MYH6: variants seen among roughly 807,000 people sequenced by gnomAD.
The protein encoded by MYH6 is myosin heavy chain 6, also known as myosin-6.
In MYH6, 126 loss-of-function variants were observed where a neutral mutation model predicts 223.2. That is an observed-to-expected ratio of 0.56 (90% CI 0.49 to 0.65). MYH6 has a LOEUF of 0.65. MYH6 is among the 30% of genes least tolerant of loss of function. The pLI, the probability that MYH6 is intolerant of heterozygous loss-of-function variation, is 0.00. For synonymous variants in MYH6, 978 were observed against 1,010.2 expected (o/e 0.97, Z 0.61); for missense variants, 2,040 against 2,536.4 (o/e 0.80, Z 4.20).
intron 3 of MYH6, among the ~76,000 whole-genome samples, chr14:23,406,420 G>A (rs555374349): frequency 6.6e-6 from 1 of 152,294 alleles, no homozygotes; most frequent in African/African-American, 2.4e-5. Context: ...AGCCCCAGGG[G>A]ATTGTGGCCT....
chr14:23,402,765 C>T lies in MYH6; in HGVS notation c.934G>A (p.Ala312Thr), dbSNP rs748143404. 4.0e-5 allele frequency: 65 copies of T among 1,613,032 alleles called. No homozygotes were observed. The highest frequency in any genetic ancestry group is 8.8e-5 in the South Asian group (8 of 91,040). Residue 312 changes from alanine (A) to threonine (T), a missense_variant, in exon 11 of 39, where the codon GCC (alanine) becomes ACC (threonine). Coordinates refer to ENST00000405093, the MANE Select transcript of MYH6 (RefSeq NM_002471.4). ...GACACCTCTCCCTGAGACACGAAGG[C>T]GTAGTCGTAGGGATTGTTGGTGACC... ...LLVTNNPYDY[A>T]FVSQGEVSVA... is the part of the protein sequence containing the mutation.
chr14:23,386,719 C>A, intron 32 of MYH6, 96 bp from the exon 33 acceptor site: 1 of 1,433,716 alleles, frequency 7.0e-7, no homozygotes. Context: ...GACTATCGCC[C>A]AGAGAAGAAG....
intron 26 of MYH6, 89 bp downstream of exon 26, chr14:23,389,968 G>A (rs1891180197): frequency 1.6e-5 from 26 of 1,610,698 alleles, no homozygotes; most frequent in Non-Finnish European, 2.1e-5. Context: ...GAATGAGAAT[G>A]ACAAGGGAGA....
chr14:23,393,911 G>T lies in MYH6; in HGVS notation c.2686-3C>A. ...GCATCATTGAGGTTGTCTTGTTCCT[G>T]GGAGAAGAGAACAGGGAGGAAGCTG... On this transcript the variant is annotated splice_polypyrimidine_tract_variant and splice_region_variant and intron_variant, in intron 21 of 38. Transcript: ENST00000405093. The T allele has an allele frequency of 6.2e-7, 1 of 1,614,144 alleles. No individual in the cohort carries two copies. Among genetic ancestry groups the T allele is most frequent in the African/African-American group, 1.3e-5 (1 of 75,026 alleles).
rs138572790 is a variant in MYH6, at chr14:23,402,598, G to T, written c.1007C>A (p.Ala336Asp). The stretch of plus-strand genomic sequence containing the variant: ...TGAAGTGAAGCCCAGCACGTCAAAG[G>T]CACTCTGGGACAGAGCGAGAGACAA... ...DSEELMATDSAFDVLGFTSEE... is the reference protein window; with the variant it reads ...DSEELMATDSDFDVLGFTSEE... Residue 336 changes from alanine to aspartate, a missense_variant, in exon 12 of 39, where the codon GCC becomes GAC. Around this residue, in one of 4 missense-constraint regions of MYH6, gnomAD observed 649 missense variants for 877.3 expected, o/e 0.74. Coordinates refer to ENST00000405093, the MANE Select transcript of MYH6 (RefSeq NM_002471.4). 6 of 1,613,644 alleles carry T rather than the reference G, an allele frequency of 3.7e-6. No homozygotes were observed. In the East Asian group the frequency reaches 1.3e-4, roughly 36 times the overall value.
At chr14:23,382,337 A>G in intron 38 of MYH6, 91 bp downstream of exon 38, 3 of 1,579,274 alleles carry the variant, frequency 1.9e-6, no homozygotes, top group Non-Finnish European at 2.6e-6. Context: ...CTGCCTACAT[A>G]TAGGGCAAGC....
chr14:23,386,836 G>A (rs536576469), intron 32 of MYH6, among the ~76,000 whole-genome samples: 2 of 152,262 alleles, frequency 1.3e-5, no homozygotes, highest in East Asian at 3.9e-4. Flanking sequence ...AAAAGGGTTT[G>A]GACCTCACAA....
rs567433969 is a variant in MYH6, at chr14:23,392,630, G to A, written c.3274C>T (p.Gln1092Ter). 1 of 1,512,900 alleles carries A rather than the reference G, an allele frequency of 6.6e-7. No individual in the cohort carries two copies. Among genetic ancestry groups the A allele is most frequent in the East Asian group, 2.3e-5 (1 of 43,112 alleles). The allele number at this position is 1,512,900 out of a possible 1,614,324, so 93.7% of individuals were successfully genotyped here. The change falls in exon 25 of 39, where the codon CAG (glutamine) becomes TAG (stop). Residue 1092 changes from glutamine (Q) to a stop codon, truncating the protein, a stop_gained. Transcript: ENST00000405093. LOFTEE classifies it high-confidence loss of function. ...LKKKEFDINQ[Q>*]NSKIEDEQVL... ...TGCTCATCCTCAATCTTACTGTTCT[G>A]CTGATTAATGTCAAACTCCTTCCTG... is the stretch of plus-strand genomic sequence containing the variant.
At chr14:23,401,000 G>A (rs746318163) in intron 12 of MYH6, 23 bp from the exon 13 acceptor site, 3 of 1,612,354 alleles carry the variant, frequency 1.9e-6, no homozygotes, top group South Asian at 1.1e-5. Flanking sequence ...GAAAGGATAA[G>A]TGAGCACTTC....
rs746154984 is a variant in MYH6 at position 23,382,518 on chromosome 14, C to T, written c.5706G>A (p.Gln1902=). 2.0e-5 allele frequency: 33 copies of T among 1,614,052 alleles called. No individual in the cohort carries two copies. The highest frequency in any genetic ancestry group is 4.4e-5 in the South Asian group (4 of 91,086). ...GCTCCTCTGCCTCATCCAGCTCATG[C>T]TGCACCTTGCGGAACTTGGACAGGT... is the stretch of plus-strand genomic sequence containing the variant. ...NTNLSKFRKV[Q]HELDEAEERA... The change falls in exon 38 of 39, where the codon CAG becomes CAA. Residue 1902 remains glutamine (Q), a synonymous_variant. Coordinates refer to ENST00000405093, the MANE Select transcript of MYH6 (RefSeq NM_002471.4).
intron 32 of MYH6, 146 bp downstream of exon 32, chr14:23,387,383 G>T (rs760408546): frequency 3.8e-6 from 5 of 1,304,730 alleles, no homozygotes; most frequent in Non-Finnish European, 5.4e-6. Context: ...AGGCAGTCAT[G>T]GGTAGTGAAT....
At chr14:23,383,478 G>A (rs1474908208) in intron 36 of MYH6, among the ~76,000 whole-genome samples, 158 bp from the exon 37 acceptor site, 2 of 152,122 alleles carry the variant, frequency 1.3e-5, no homozygotes, top group Admixed American at 6.6e-5. Context: ...TGACTCTATC[G>A]TAGGTCAAAG....
Position 23,382,442 on chromosome 14 carries a change from C to T in MYH6, c.5782G>A (p.Asp1928Asn). 1 of 1,614,176 alleles carries T rather than the reference C, an allele frequency of 6.2e-7. No individual in the cohort carries two copies. Among genetic ancestry groups the T allele is most frequent in the Non-Finnish European group, 8.5e-7 (1 of 1,180,028 alleles). Residue 1928 changes from aspartate to asparagine, a missense_variant, in exon 38 of 39, where the codon GAC becomes AAC. By Grantham distance (23) the Asp-to-Asn change is conservative. Transcript: ENST00000405093. ...QVNKLRAKSR[D>N]IGAKQKMHDE... Reference sequence around the variant, plus strand: ...GAGGGACCCACCTTGGCACCAATGTCACGGCTCTTGGCTCGAAGCTTGTTG... The same window carrying T: ...GAGGGACCCACCTTGGCACCAATGTTACGGCTCTTGGCTCGAAGCTTGTTG...
rs901220538 is a variant in MYH6, at chr14:23,397,351, C to T, written c.1963-94G>A. 5 of 1,370,714 alleles carry T rather than the reference C, an allele frequency of 3.6e-6. No individual in the cohort carries two copies. The African/African-American group carries it at 7.2e-5, about 20-fold the overall frequency. The allele number at this position is 1,370,714 out of a possible 1,614,324, so 84.9% of individuals were successfully genotyped here. On this transcript the variant is annotated intron_variant, in intron 16 of 38. Transcript: ENST00000405093. Reference sequence around the variant, plus strand: ...CCCAGACACTCTCCACCAGAATCATCAAAGGGACAGGGGCTGCCACATAAT... The same window carrying T: ...CCCAGACACTCTCCACCAGAATCATTAAAGGGACAGGGGCTGCCACATAAT...
chr14:23,402,630 G>A (rs749451845), intron 11 of MYH6, 28 bp from the exon 12 acceptor site: 1 of 1,613,654 alleles, frequency 6.2e-7, no homozygotes, highest in African/African-American at 1.3e-5. Flanking sequence ...ACAAAGAGGG[G>A]GGTTGGAGCG....
rs1566511867 is a variant in MYH6, at chr14:23,397,226, C to T, written c.1994G>A (p.Arg665Lys). ...ENLNKLMTNLRTTHPHFVRCI... is the reference protein window; with the variant it reads ...ENLNKLMTNLKTTHPHFVRCI... ...ACGCACAAAGTGAGGATGGGTGGTC[C>T]TCAGGTTGGTCATTAGCTTGTTGAG... The change falls in exon 17 of 39, where the codon AGG becomes AAG. Residue 665 changes from arginine to lysine, a missense_variant. Around this residue, in one of 4 missense-constraint regions of MYH6, gnomAD observed 649 missense variants for 877.3 expected, o/e 0.74. Transcript: ENST00000405093. The T allele has an allele frequency of 6.2e-7, 1 of 1,614,190 alleles. No individual in the cohort carries two copies. Among genetic ancestry groups the T allele is most frequent in the Non-Finnish European group, 8.5e-7 (1 of 1,180,036 alleles).
Position 23,390,141 on chromosome 14 carries a change from C to A in MYH6, c.3648G>T (p.Lys1216Asn). ...CGCTCTTCTCCTTCTCCAGCTTCTG[C>A]TTCACCCGCTGCAGGTTGTCGATCT... ...GEQIDNLQRV[K>N]QKLEKEKSEF... Residue 1216 changes from lysine (K) to asparagine (N), a missense_variant, in exon 26 of 39, where the codon AAG becomes AAT. By Grantham distance (94) the Lys-to-Asn change is moderately conservative. This residue lies in a region of MYH6 where 1,203 missense variants were observed against 1,400.2 expected (regional missense o/e 0.86). Transcript: ENST00000405093. 1 of 1,611,518 alleles carries A rather than the reference C, an allele frequency of 6.2e-7. No homozygotes were observed. The highest frequency in any genetic ancestry group is 8.5e-7 in the Non-Finnish European group (1 of 1,179,298).
intron 12 of MYH6, 123 bp downstream of exon 12, chr14:23,402,341 C>T: frequency 6.8e-7 from 1 of 1,466,126 alleles, no homozygotes; most frequent in Non-Finnish European, 9.3e-7. Context: ...ACGTCCCTGT[C>T]CCTCACCATC....
At chr14:23,393,622 G>A (rs1023833836) in intron 22 of MYH6, 44 bp downstream of exon 22, 13 of 1,614,088 alleles carry the variant, frequency 8.1e-6, no homozygotes, top group Non-Finnish European at 1.1e-5. Flanking sequence ...TAGTCTGGGA[G>A]TCTTGAGGAG....
Sources: allele counts gnomAD v4.1 joint callset (sites outside exome capture counted in the v4.1 genomes callset), GRCh38; gene constraint gnomAD v4.1.1; regional missense constraint gnomAD v4.1.1; transcripts MANE v1.5; gene names NCBI Gene and HGNC (gene_info 2026-07-23, HGNC 2026-07-21).